The following CYP7B1 variants were observed in gnomAD, a reference collection of about 807,000 sequenced individuals.
The protein encoded by CYP7B1 is cytochrome P450 family 7 subfamily B member 1.
A neutral mutation model predicts 42.7 loss-of-function variants in CYP7B1; 29 were observed. The ratio of observed to expected loss-of-function variants is 0.68; its 90% CI spans 0.51 to 0.93. CYP7B1 has a LOEUF of 0.93. Among genes scored for constraint, CYP7B1 ranks in the 40% least tolerant of loss-of-function variants. The pLI, the probability that CYP7B1 is intolerant of heterozygous loss-of-function variation, is 0.00. For synonymous variants in CYP7B1, 235 were observed against 218.2 expected (o/e 1.08, Z -0.68); for missense variants, 655 against 600.5 (o/e 1.09, Z -0.95).
intron 1 of CYP7B1, among the ~76,000 whole-genome samples, chr8:64,717,056 C>T (rs1258282985): frequency 2.0e-5 from 3 of 152,188 alleles, no homozygotes; most frequent in African/African-American, 7.2e-5. Context: ...ACTGTTTCAT[C>T]AAAATAAAAT....
Position 64,718,829 on chromosome 8 carries a change from G to A in CYP7B1, c.122+79637C>T, listed in dbSNP as rs10090568. On this transcript the variant is annotated intron_variant, in intron 1 of 5. Transcript: ENST00000310193. ...TGGATTTTCCTTAGGGTAACTGGAA[G>A]GTAAATATAAAGTAGATTCCCGGAA... Among the ~76,000 whole-genome samples the A allele has an allele frequency of 3.1e-3, 473 of 152,274 alleles. 1 individual carries two copies. The highest frequency in any genetic ancestry group is 5.4e-3 in the Non-Finnish European group (368 of 68,018).
At chr8:64,753,626 T>A (rs1160705747) in intron 1 of CYP7B1, among the ~76,000 whole-genome samples, 3 of 152,204 alleles carry the variant, frequency 2.0e-5, no homozygotes, top group African/African-American at 7.2e-5. Flanking sequence ...CTCGCCCTCA[T>A]GAGGCCTACA....
chr8:64,718,402 C>T (rs1001650066), intron 1 of CYP7B1, among the ~76,000 whole-genome samples: 1 of 152,172 alleles, frequency 6.6e-6, no homozygotes, highest in Non-Finnish European at 1.5e-5. Flanking sequence ...CTCGTCAGGA[C>T]TAAGCACCAG....
At chr8:64,724,338 G>T (rs1216118366) in intron 1 of CYP7B1, among the ~76,000 whole-genome samples, 1 of 151,974 alleles carries the variant, frequency 6.6e-6, no homozygotes, top group East Asian at 1.9e-4. Flanking sequence ...GTACAGACGG[G>T]GTTTCACCAT....
intron 1 of CYP7B1, among the ~76,000 whole-genome samples, chr8:64,730,060 TATTG>T (rs1231422994): frequency 3.9e-5 from 6 of 152,064 alleles, no homozygotes; most frequent in South Asian, 4.1e-4. Flanking sequence ...CATTTTATTT[TATTG>T]ATTGATTGAT....
At chr8:64,711,384 G>A (rs1424637871) in intron 1 of CYP7B1, among the ~76,000 whole-genome samples, 1 of 152,200 alleles carries the variant, frequency 6.6e-6, no homozygotes. Context: ...CCTGGGACCA[G>A]TCACTGCAGA....
rs1213447459 is a variant in CYP7B1 at position 64,596,702 on chromosome 8, C to T, written c.1461G>A (p.Leu487=). 8.1e-6 allele frequency: 13 copies of T among 1,613,420 alleles called. No homozygotes were observed. Among genetic ancestry groups the T allele is most frequent in the African/African-American group, 1.3e-5 (1 of 74,850 alleles). Residue 487 remains leucine, a synonymous_variant, in exon 6 of 6, where the codon TTG becomes TTA. Coordinates refer to ENST00000310193, the MANE Select transcript of CYP7B1 (RefSeq NM_004820.5). ...DKPIGLNYSR[L]LFGIQYPDSD... is the part of the protein sequence containing the mutation. ...AATCTGGATACTGAATACCAAACAA[C>T]AAGCGGCTGTAGTTTAGTCCTATGG...
chr8:64,760,496 C>T (rs1001137758), intron 1 of CYP7B1, among the ~76,000 whole-genome samples: 4 of 151,768 alleles, frequency 2.6e-5, no homozygotes, highest in African/African-American at 9.7e-5. Flanking sequence ...GAATTCATAC[C>T]ACCCAATAGC....
At chr8:64,746,305 C>T (rs530366399) in intron 1 of CYP7B1, among the ~76,000 whole-genome samples, 1 of 152,150 alleles carries the variant, frequency 6.6e-6, no homozygotes, top group East Asian at 1.9e-4. Flanking sequence ...TAAAGGCAAG[C>T]CTTAAGGTTA....
At chr8:64,619,069 T>C (rs1805490951) in intron 2 of CYP7B1, among the ~76,000 whole-genome samples, 1 of 152,172 alleles carries the variant, frequency 6.6e-6, no homozygotes, top group African/African-American at 2.4e-5. Flanking sequence ...CTTTCCAACT[T>C]TTAATCTTCA....
At chr8:64,655,401 C>G (rs754294268) in intron 1 of CYP7B1, among the ~76,000 whole-genome samples, 1 of 152,028 alleles carries the variant, frequency 6.6e-6, no homozygotes, top group Non-Finnish European at 1.5e-5. Flanking sequence ...ATACATGTGG[C>G]CAACAAGCGT....
chr8:64,744,365 T>C (rs767909826), intron 1 of CYP7B1, among the ~76,000 whole-genome samples: 47 of 152,210 alleles, frequency 3.1e-4, no homozygotes, highest in Non-Finnish European at 5.6e-4. Context: ...TTTTTTTCCT[T>C]TTCTCATTAC....
intron 1 of CYP7B1, among the ~76,000 whole-genome samples, chr8:64,745,323 A>C (rs1228113661): frequency 6.6e-6 from 1 of 152,212 alleles, no homozygotes; most frequent in Non-Finnish European, 1.5e-5. Flanking sequence ...CTGAGTTGTA[A>C]ATAAATTATA....
At chr8:64,689,448 A>T (rs1397461578) in intron 1 of CYP7B1, among the ~76,000 whole-genome samples, 1 of 152,148 alleles carries the variant, frequency 6.6e-6, no homozygotes, top group African/African-American at 2.4e-5. Context: ...AAAGCACAAC[A>T]CATTCCTTCT....
At chr8:64,632,354 G>A (rs1805709321) in intron 1 of CYP7B1, among the ~76,000 whole-genome samples, 1 of 152,088 alleles carries the variant, frequency 6.6e-6, no homozygotes, top group Admixed American at 6.5e-5. Flanking sequence ...ACTTATGTGA[G>A]ATATCTACGA....
chr8:64,723,511 GTTGAAATC>G (rs1807276181), intron 1 of CYP7B1, among the ~76,000 whole-genome samples: 1 of 152,166 alleles, frequency 6.6e-6, no homozygotes, highest in African/African-American at 2.4e-5. Flanking sequence ...CTAATCCAGG[GTTGAAATC>G]TTTATTAACA....
intron 1 of CYP7B1, among the ~76,000 whole-genome samples, chr8:64,747,008 T>A (rs531211275): frequency 6.6e-6 from 1 of 151,658 alleles, no homozygotes; most frequent in Admixed American, 6.6e-5. Context: ...TATTGTAAGT[T>A]ACTATTATGG....
chr8:64,717,370 G>A lies in CYP7B1; in HGVS notation c.122+81096C>T, dbSNP rs377345079. 2.2e-4 allele frequency among the ~76,000 whole-genome samples: 34 copies of A among 152,250 alleles called. No individual in the cohort carries two copies. The South Asian group carries it at 6.2e-3, about 28-fold the overall frequency. On this transcript the variant is annotated intron_variant, in intron 1 of 5. Transcript: ENST00000310193. ...TTTCAGAATGTTGTGAAAATTGTAC[G>A]ACTGTTTATTGACTTGCTAGCTCTT...
At chr8:64,771,922 G>A (rs965768492) in intron 1 of CYP7B1, among the ~76,000 whole-genome samples, 6 of 152,164 alleles carry the variant, frequency 3.9e-5, no homozygotes, top group Non-Finnish European at 7.3e-5. Context: ...CCTGCATCCT[G>A]TCCAGCAATC....
Sources: allele counts gnomAD v4.1 joint callset (sites outside exome capture counted in the v4.1 genomes callset), GRCh38; gene constraint gnomAD v4.1.1; transcripts MANE v1.5; gene names NCBI Gene and HGNC (gene_info 2026-07-23, HGNC 2026-07-21).